Variants in RTN4RL1 observed in about 807,000 individuals in gnomAD.
RTN4RL1 encodes reticulon-4 receptor-like 1.
In RTN4RL1, 7 loss-of-function variants were observed where a neutral mutation model predicts 25.6. The observed-to-expected ratio is 0.27, with a 90% CI of 0.16 to 0.51. RTN4RL1 has a LOEUF of 0.51. Ranked by LOEUF, RTN4RL1 falls within the 20% of genes least tolerant of loss-of-function variation. The pLI is 0.97. For missense variants in RTN4RL1, 500 were observed against 615.6 expected, an observed-to-expected ratio of 0.81 and a Z score of 1.99; for synonymous variants, 297 against 288.2, an observed-to-expected ratio of 1.03 and a Z score of -0.31.
chr17:2,010,321 T>TA (rs2067034997), intron 1 of RTN4RL1, among the ~76,000 whole-genome samples: 1 of 151,186 alleles, frequency 6.6e-6, no homozygotes, highest in Admixed American at 6.6e-5. Flanking sequence ...TAATAAAAAA[T>TA]AAAAAACTAG....
Position 1,936,953 on chromosome 17 carries a change from C to A in RTN4RL1, c.869G>T (p.Gly290Val). The A allele has an allele frequency of 1.9e-6, 3 of 1,608,240 alleles. No individual in the cohort carries two copies. The highest frequency in any genetic ancestry group is 1.3e-5 in the African/African-American group (1 of 74,958). Reference protein sequence around the residue: ...VPCVSPGLRHGQDLKLLRAED... With the variant: ...VPCVSPGLRHVQDLKLLRAED... ...GGCCCTCAGCAGCTTCAGGTCCTGG[C>A]CGTGCCGCAGCCCAGGGGACACACA... Residue 290 changes from glycine (G) to valine (V), a missense_variant, in exon 2 of 2, where the codon GGC (glycine) becomes GTC (valine). Gly to Val is a moderately radical substitution (Grantham distance 109). Transcript: ENST00000331238.
chr17:2,014,379 C>G (rs1467748298), intron 1 of RTN4RL1, among the ~76,000 whole-genome samples: 1 of 152,182 alleles, frequency 6.6e-6, no homozygotes, highest in Non-Finnish European at 1.5e-5. Flanking sequence ...CAGAGCCCCA[C>G]AGAGCTCTCA....
chr17:1,967,952 T>C (rs1449727389), intron 1 of RTN4RL1, among the ~76,000 whole-genome samples: 1 of 152,150 alleles, frequency 6.6e-6, no homozygotes, highest in African/African-American at 2.4e-5. Context: ...CCAGTCTCTG[T>C]CTTGCCTCAA....
rs147660418 is a variant in RTN4RL1, at chr17:1,987,179, G to A, written c.13+37674C>T. Among the ~76,000 whole-genome samples, 9 of 152,184 alleles carry A rather than the reference G, an allele frequency of 5.9e-5. No homozygotes were observed. The East Asian group carries it at 1.7e-3, about 29-fold the overall frequency. ...CCACAGAACCCTGCTTTTCCTTTGG[G>A]AGAGCCGGTCCCCTCCCCCAGCTCT... is the stretch of plus-strand genomic sequence containing the variant. On this transcript the variant is annotated intron_variant, in intron 1 of 1. Transcript: ENST00000331238.
In RTN4RL1 at chr17:1,937,826, C is replaced by A; in HGVS notation, c.14-18G>T. 6.4e-7 allele frequency: 1 copy of A among 1,556,522 alleles called. No homozygotes were observed. Among genetic ancestry groups the A allele is most frequent in the Non-Finnish European group, 8.7e-7 (1 of 1,148,992 alleles). ...ACAGCACCCTGGCAGGGAGAGAGAG[C>A]ACAGCCAGGTCAGGGGCCGTGCAGG... On this transcript the variant is annotated intron_variant, in intron 1 of 1. Transcript: ENST00000331238.
At chr17:1,961,761 C>A (rs1294941877) in intron 1 of RTN4RL1, among the ~76,000 whole-genome samples, 6 of 77,042 alleles carry the variant, frequency 7.8e-5, no homozygotes, top group African/African-American at 1.7e-4. Flanking sequence ...AACCCTGTCT[C>A]CACTAAAAAT....
In RTN4RL1 at chr17:1,961,880, G is replaced by A. The variant is rs534073834; in HGVS notation, c.14-24072C>T. On this transcript the variant is annotated intron_variant, in intron 1 of 1. Coordinates refer to ENST00000331238, the MANE Select transcript of RTN4RL1 (RefSeq NM_178568.4). Reference sequence around the variant, plus strand: ...GGAGAATCGCTCGAACCCGGGAGGTGGAGGTTGCAGTGAGCCAAGATCACA... The same window carrying A: ...GGAGAATCGCTCGAACCCGGGAGGTAGAGGTTGCAGTGAGCCAAGATCACA... Among the ~76,000 whole-genome samples, 54 of 150,484 alleles carry A rather than the reference G, an allele frequency of 3.6e-4. 1 individual carries two copies. The South Asian group carries it at 0.011, about 31-fold the overall frequency.
Position 2,014,981 on chromosome 17 carries a change from A to T in RTN4RL1, c.13+9872T>A, listed in dbSNP as rs116116945. Among the ~76,000 whole-genome samples, 338 of 152,226 alleles carry T rather than the reference A, an allele frequency of 2.2e-3. 2 individuals carry two copies. The highest frequency in any genetic ancestry group is 7.9e-3 in the African/African-American group (328 of 41,538). On this transcript the variant is annotated intron_variant, in intron 1 of 1. Coordinates refer to ENST00000331238, the MANE Select transcript of RTN4RL1 (RefSeq NM_178568.4). The stretch of plus-strand genomic sequence containing the variant: ...CATGGCAGGCCATTCCCTGATGAAA[A>T]AGGGAATCGCTGAAGGGTTCTAAGA...
Position 2,021,854 on chromosome 17 carries a change from C to CTT in RTN4RL1, c.13+2997_13+2998dup, listed in dbSNP as rs869227846. Among the ~76,000 whole-genome samples, 265 of 88,350 alleles carry CTT rather than the reference C, an allele frequency of 3.0e-3. 5 individuals are homozygous for CTT. The East Asian group carries it at 0.047, about 16-fold the overall frequency. The allele number at this position is 88,350 out of a possible 152,430, so 58.0% of individuals were successfully genotyped here. A position where few individuals can be genotyped will look rare whatever the true frequency, so the allele number is the denominator to read the frequency against. On this transcript the variant is annotated intron_variant, in intron 1 of 1. Coordinates refer to ENST00000331238, the MANE Select transcript of RTN4RL1 (RefSeq NM_178568.4). Reference sequence around the variant, plus strand: ...ACAGGTGTGAGCCACTGTGCCCGGTCTTTTTTTTTTTTTTTTTTTTTTTAA... The same window carrying CTT: ...ACAGGTGTGAGCCACTGTGCCCGGTCTTTTTTTTTTTTTTTTTTTTTTTTTAA...
At chr17:1,967,016 G>A (rs2066794233) in intron 1 of RTN4RL1, among the ~76,000 whole-genome samples, 1 of 152,092 alleles carries the variant, frequency 6.6e-6, no homozygotes, top group Non-Finnish European at 1.5e-5. Flanking sequence ...CACTGCTCCT[G>A]ACCCCGAGGT....
chr17:1,974,084 G>A (rs1014642013), intron 1 of RTN4RL1, among the ~76,000 whole-genome samples: 3 of 150,204 alleles, frequency 2.0e-5, no homozygotes, highest in Non-Finnish European at 3.0e-5. Flanking sequence ...GGGGGGAAAG[G>A]TTACATTTAG....
At chr17:2,019,594 ACTT>A (rs2067173740) in intron 1 of RTN4RL1, 1 of 152,212 alleles carries the variant, frequency 6.6e-6, no homozygotes, top group Non-Finnish European at 1.5e-5. Flanking sequence ...TCCTCCTGAG[ACTT>A]CTTCTCAAAC....
rs907372044 is a variant in RTN4RL1 at position 1,974,341 on chromosome 17, A to C, written c.14-36533T>G. Among the ~76,000 whole-genome samples the C allele has an allele frequency of 3.9e-5, 6 of 151,928 alleles. No homozygotes were observed. The East Asian group carries it at 1.2e-3, about 30-fold the overall frequency. On this transcript the variant is annotated intron_variant, in intron 1 of 1. Coordinates refer to ENST00000331238, the MANE Select transcript of RTN4RL1 (RefSeq NM_178568.4). ...AGGAGGTGGAGGTTGCAGTGAGCTG[A>C]GATTGTGTCATTGCACTCCAGCCTG... is the stretch of plus-strand genomic sequence containing the variant.
intron 1 of RTN4RL1, among the ~76,000 whole-genome samples, chr17:1,975,860 T>C (rs1332433184): frequency 6.6e-6 from 1 of 151,978 alleles, no homozygotes; most frequent in Non-Finnish European, 1.5e-5. Flanking sequence ...TTATTTGAGA[T>C]AAAGAAAACC....
intron 1 of RTN4RL1, among the ~76,000 whole-genome samples, chr17:1,986,078 T>C (rs1372894017): frequency 6.6e-6 from 1 of 151,856 alleles, no homozygotes; most frequent in Non-Finnish European, 1.5e-5. Flanking sequence ...TTGTCTCTAC[T>C]GCTACTAGCA....
chr17:1,941,818 C>A (rs73976144), intron 1 of RTN4RL1, among the ~76,000 whole-genome samples: 88 of 152,282 alleles, frequency 5.8e-4, no homozygotes, highest in African/African-American at 2.0e-3. Context: ...GCCTCTGGTA[C>A]CCCCTGCCAG....
chr17:1,941,916 C>T (rs1005770823), intron 1 of RTN4RL1, among the ~76,000 whole-genome samples: 1 of 152,200 alleles, frequency 6.6e-6, no homozygotes, highest in African/African-American at 2.4e-5. Context: ...TCCTCTCATG[C>T]CCCTCCATGC....
chr17:2,010,464 A>G (rs1163954392), intron 1 of RTN4RL1, among the ~76,000 whole-genome samples: 1 of 152,114 alleles, frequency 6.6e-6, no homozygotes. Context: ...GCTAGCGAGC[A>G]AGACTCTGTC....
intron 1 of RTN4RL1, among the ~76,000 whole-genome samples, chr17:1,952,618 C>T (rs1406767611): frequency 6.6e-6 from 1 of 150,922 alleles, no homozygotes; most frequent in Non-Finnish European, 1.5e-5. Context: ...GCTGGGATTA[C>T]AGGCGTGAGC....
Sources: gnomAD v4.1 joint callset for allele counts (sites outside exome capture counted in the v4.1 genomes callset) on GRCh38, gnomAD v4.1.1 for gene constraint, MANE v1.5 for transcripts, NCBI Gene and HGNC (gene_info 2026-07-23, HGNC 2026-07-21) for gene names.